Variants in PRSS38 observed in about 807,000 individuals in gnomAD.
The protein encoded by PRSS38 is marapsin 2.
Under a neutral mutation model 26.8 loss-of-function variants are expected in PRSS38, and 22 were observed. The observed-to-expected ratio is 0.82, with a 90% CI of 0.59 to 1.17. PRSS38 has a LOEUF of 1.17. PRSS38 is among the 50% of genes most tolerant of loss of function. The probability of loss-of-function intolerance (pLI) is 0.00; values close to 1 mark genes in which losing one functional copy is unlikely to be tolerated. For missense variants in PRSS38, 427 were observed against 422.7 expected, an observed-to-expected ratio of 1.01 and a Z score of -0.09; for synonymous variants, 175 against 172.1, an observed-to-expected ratio of 1.02 and a Z score of -0.13.
chr1:227,839,700 T>A (rs1478545692), intron 3 of PRSS38, among the ~76,000 whole-genome samples: 1 of 152,164 alleles, frequency 6.6e-6, no homozygotes. Context: ...TCTCCTGACA[T>A]CCTCGATGTG....
chr1:227,819,496 T>C (rs1470742785), intron 3 of PRSS38, among the ~76,000 whole-genome samples: 3 of 152,210 alleles, frequency 2.0e-5, no homozygotes, highest in African/African-American at 7.2e-5. Context: ...ACAAAATTTT[T>C]CATATCTACA....
chr1:227,822,385 TTTG>T (rs201688419), intron 3 of PRSS38, among the ~76,000 whole-genome samples: 1 of 152,092 alleles, frequency 6.6e-6, no homozygotes, highest in South Asian at 2.1e-4. Flanking sequence ...TTTTCTGATT[TTTG>T]TTGTTATTAT....
chr1:227,817,465 C>T (rs1463892565), exon 3 of PRSS38: 1 of 1,614,134 alleles, frequency 6.2e-7, no homozygotes. Context: ...GGGATGGGGA[C>T]TAGTCTCAAA....
At chr1:227,818,478 A>C (rs915703118) in intron 3 of PRSS38, among the ~76,000 whole-genome samples, 1 of 152,014 alleles carries the variant, frequency 6.6e-6, no homozygotes, top group Non-Finnish European at 1.5e-5. Flanking sequence ...CAGGAGTTTG[A>C]GACCAGCCTG....
chr1:227,830,701 C>T (rs956457905), intron 3 of PRSS38, among the ~76,000 whole-genome samples: 1 of 151,632 alleles, frequency 6.6e-6, no homozygotes, highest in Non-Finnish European at 1.5e-5. Context: ...GACAGGGTTT[C>T]ACCATGTTGG....
rs546408717 is a variant in PRSS38 at position 227,840,434 on chromosome 1, G to T, written c.584-5036G>T. ...GTGTACCCAGCCTACACTTTTAAAT[G>T]GTTGGGGCGGAAAAGAACCCAAAAG... On this transcript the variant is annotated intron_variant, in intron 3 of 4. Coordinates refer to ENST00000366757, the Ensembl canonical transcript of PRSS38. Among the ~76,000 whole-genome samples, 9 of 150,040 alleles carry T rather than the reference G, an allele frequency of 6.0e-5. No individual in the cohort carries two copies. The East Asian group carries it at 1.7e-3, about 29-fold the overall frequency.
intron 3 of PRSS38, among the ~76,000 whole-genome samples, chr1:227,828,372 C>T (rs1445064734): frequency 6.6e-6 from 1 of 152,126 alleles, no homozygotes; most frequent in Non-Finnish European, 1.5e-5. Context: ...CTGGGTGCTC[C>T]TGTATTGGGT....
intron 3 of PRSS38, among the ~76,000 whole-genome samples, chr1:227,819,425 T>C (rs1484973023): frequency 6.6e-6 from 1 of 152,212 alleles, no homozygotes; most frequent in African/African-American, 2.4e-5. Flanking sequence ...ACATATTTGT[T>C]ATTCGTTTCT....
intron 3 of PRSS38, among the ~76,000 whole-genome samples, chr1:227,822,943 T>A (rs1342200612): frequency 6.6e-6 from 1 of 152,200 alleles, no homozygotes. Flanking sequence ...AAATTATGTA[T>A]TTTTTATTTT....
intron 3 of PRSS38, among the ~76,000 whole-genome samples, chr1:227,818,439 G>T (rs1413163864): frequency 6.6e-6 from 1 of 152,102 alleles, no homozygotes; most frequent in Non-Finnish European, 1.5e-5. Flanking sequence ...AGCACTTTGG[G>T]AGGCTGAGGT....
intron 3 of PRSS38, among the ~76,000 whole-genome samples, chr1:227,820,089 CAAAAAAAAAA>C (rs61564441): frequency 2.3e-5 from 1 of 42,818 alleles, no homozygotes; most frequent in South Asian, 1.2e-3. Flanking sequence ...AACTCCATCT[CAAAAAAAAAA>C]AAAAAAAAAA....
chr1:227,843,076 G>A (rs1031421921), intron 3 of PRSS38, among the ~76,000 whole-genome samples: 4 of 152,164 alleles, frequency 2.6e-5, no homozygotes, highest in Non-Finnish European at 4.4e-5. Flanking sequence ...AACACCCTGA[G>A]ACGGACACTA....
At chr1:227,818,687 A>C (rs962656333) in intron 3 of PRSS38, among the ~76,000 whole-genome samples, 4 of 151,706 alleles carry the variant, frequency 2.6e-5, no homozygotes, top group Non-Finnish European at 5.9e-5. Context: ...AAAAAAAAAA[A>C]AAAAAAAAAA....
At chr1:227,823,129 T>G (rs1665026197) in intron 3 of PRSS38, among the ~76,000 whole-genome samples, 1 of 152,148 alleles carries the variant, frequency 6.6e-6, no homozygotes, top group South Asian at 2.1e-4. Context: ...ATGCATATTA[T>G]TCCACTCTCT....
chr1:227,846,169 C>G (rs771925586), exon 5 of PRSS38: 1 of 1,612,974 alleles, frequency 6.2e-7, no homozygotes, highest in Non-Finnish European at 8.5e-7. Context: ...CCACTCTCAG[C>G]GTCCTAATGG....
At chr1:227,818,494 C>T (rs1428290510) in intron 3 of PRSS38, among the ~76,000 whole-genome samples, 1 of 151,854 alleles carries the variant, frequency 6.6e-6, no homozygotes. Context: ...GCCTGGGCAA[C>T]ATAGTGAGAT....
intron 3 of PRSS38, among the ~76,000 whole-genome samples, chr1:227,820,137 T>TGTTGGC (rs1472457151): frequency 6.6e-6 from 1 of 150,488 alleles, no homozygotes; most frequent in Non-Finnish European, 1.5e-5. Flanking sequence ...TTTTTTTATG[T>TGTTGGC]GTTGGCCTTA....
intron 2 of PRSS38, 112 bp from the exon 3 acceptor site, chr1:227,817,097 G>A (rs1273201689): frequency 4.4e-6 from 5 of 1,142,660 alleles, no homozygotes; most frequent in East Asian, 2.4e-5. Context: ...GAAGAAACTG[G>A]CTTTTCAATC....
exon 1 of PRSS38, chr1:227,815,715 T>C (rs1213761285): frequency 6.3e-7 from 1 of 1,582,822 alleles, no homozygotes; most frequent in Admixed American, 1.7e-5. Flanking sequence ...GCCTCGAGCC[T>C]CATGGCTGCC....
Sources: gnomAD v4.1 joint callset for allele counts (sites outside exome capture counted in the v4.1 genomes callset) on GRCh38, gnomAD v4.1.1 for gene constraint, MANE v1.5 for transcripts, NCBI Gene and HGNC (gene_info 2026-07-23, HGNC 2026-07-21) for gene names.